AKAP8: variants seen among roughly 807,000 people sequenced by gnomAD.
AKAP8 encodes the protein A-kinase anchoring protein 8, also known as A-kinase anchor protein 8.
A neutral mutation model predicts 67.5 loss-of-function variants in AKAP8; 24 were observed. The ratio of observed to expected loss-of-function variants is 0.36; its 90% CI spans 0.26 to 0.50. The LOEUF (loss-of-function observed/expected upper bound fraction) is 0.50. AKAP8 is among the 20% of genes least tolerant of loss of function. The pLI, the probability that AKAP8 is intolerant of heterozygous loss-of-function variation, is 0.97. For missense variants in AKAP8, 971 were observed against 955.9 expected, an observed-to-expected ratio of 1.02 and a Z score of -0.21; for synonymous variants, 400 against 371.1, an observed-to-expected ratio of 1.08 and a Z score of -0.90.
intron 9 of AKAP8, among the ~76,000 whole-genome samples, chr19:15,364,910 C>T (rs1376079944): frequency 6.6e-6 from 1 of 152,252 alleles, no homozygotes; most frequent in Non-Finnish European, 1.5e-5. Flanking sequence ...CATGCCACCG[C>T]ACTCAGCCAG....
chr19:15,355,493 A>G (rs2048272400), intron 13 of AKAP8, 123 bp from the exon 14 acceptor site: 3 of 882,918 alleles, frequency 3.4e-6, no homozygotes, highest in African/African-American at 1.7e-5. Context: ...AAATTATGCC[A>G]CAGGAGTGAA....
chr19:15,370,376 T>C (rs575505641), intron 7 of AKAP8, among the ~76,000 whole-genome samples, 197 bp from the exon 8 acceptor site: 1 of 152,146 alleles, frequency 6.6e-6, no homozygotes, highest in East Asian at 1.9e-4. Context: ...TTATTACTCC[T>C]AGTTGCCTTC....
At chr19:15,368,840 C>T in intron 8 of AKAP8, 1 of 985,240 alleles carries the variant, frequency 1.0e-6, no homozygotes, top group Non-Finnish European at 1.2e-6. Flanking sequence ...CCTTGCTGGC[C>T]CGACCTCTAT....
At chr19:15,372,414 C>G in intron 5 of AKAP8, 67 bp from the exon 6 acceptor site, 2 of 1,588,092 alleles carry the variant, frequency 1.3e-6, no homozygotes, top group Middle Eastern at 1.7e-4. Context: ...CAGAAAAGAA[C>G]AAGGAGGTTG....
In AKAP8 at chr19:15,379,732, G is replaced by A. The variant is rs771353196; in HGVS notation, c.-1C>T. On this transcript the variant is annotated 5_prime_UTR_variant, in exon 1 of 14. Coordinates refer to ENST00000269701, the MANE Select transcript of AKAP8 (RefSeq NM_005858.4). Reference sequence around the variant, plus strand: ...ACAAACCTCCGTAGCCCTGGTCCATGTCTTCGACGCGGCCCACCAGCAGCC... The same window carrying A: ...ACAAACCTCCGTAGCCCTGGTCCATATCTTCGACGCGGCCCACCAGCAGCC... 14 of 1,611,754 alleles carry A rather than the reference G, an allele frequency of 8.7e-6. No individual in the cohort carries two copies. Among genetic ancestry groups the A allele is most frequent in the South Asian group, 7.7e-5 (7 of 90,666 alleles).
At chr19:15,374,750 C>A in intron 2 of AKAP8, 115 bp from the exon 3 acceptor site, 2 of 1,204,482 alleles carry the variant, frequency 1.7e-6, no homozygotes, top group Non-Finnish European at 2.4e-6. Flanking sequence ...CCCTCCGCAG[C>A]GCTCAGGGAG....
rs1180239610 is a variant in AKAP8, at chr19:15,358,876, A to G, written c.1623+91T>C. On this transcript the variant is annotated intron_variant, in intron 13 of 13. Coordinates refer to ENST00000269701, the MANE Select transcript of AKAP8 (RefSeq NM_005858.4). ...AACTGTCAAAAGACTCAGAAATGCT[A>G]AATGCTGCACTCTGGATTCAACTCC... 4 of 1,184,716 alleles carry G rather than the reference A, an allele frequency of 3.4e-6. No individual in the cohort carries two copies. In the East Asian group the frequency reaches 9.3e-5, roughly 28 times the overall value. The allele number at this position is 1,184,716 out of a possible 1,614,324, so 73.4% of individuals were successfully genotyped here. A position where few individuals can be genotyped will look rare whatever the true frequency, so the allele number is the denominator to read the frequency against.
intron 8 of AKAP8, 31 bp from the exon 9 acceptor site, chr19:15,368,353 T>C (rs2145076619): frequency 1.2e-6 from 2 of 1,612,754 alleles, no homozygotes; most frequent in Middle Eastern, 1.6e-4. Context: ...CGAGACGCTC[T>C]GAGTGGCCTG....
chr19:15,358,481 G>T (rs925472518), intron 13 of AKAP8, among the ~76,000 whole-genome samples: 3 of 151,680 alleles, frequency 2.0e-5, no homozygotes, highest in Non-Finnish European at 2.9e-5. Context: ...CAAACTATTG[G>T]CATTACAGGC....
chr19:15,372,907 T>C lies in AKAP8; in HGVS notation c.805A>G (p.Ser269Gly). 1.3e-6 allele frequency: 2 copies of C among 1,518,032 alleles called. No homozygotes were observed. Among genetic ancestry groups the C allele is most frequent in the Non-Finnish European group, 1.8e-6 (2 of 1,133,566 alleles). 94.0% of individuals were successfully genotyped at this position (1,518,032 alleles called of 1,614,324 possible). A position where few individuals can be genotyped will look rare whatever the true frequency, so the allele number is the denominator to read the frequency against. The change falls in exon 5 of 14, where the codon AGC becomes GGC. Residue 269 changes from serine to glycine, a missense_variant. Coordinates refer to ENST00000269701, the MANE Select transcript of AKAP8 (RefSeq NM_005858.4). ...MGMQGAGGYD[S>G]TMPYGCGRSQ... ...CGGCCACATCCGTAGGGCATGGTGC[T>C]GTCATAGCCGCCCGCCCCCTGCATG...
At chr19:15,377,191 T>C (rs929051448) in intron 1 of AKAP8, among the ~76,000 whole-genome samples, 177 bp from the exon 2 acceptor site, 2 of 152,052 alleles carry the variant, frequency 1.3e-5, no homozygotes, top group African/African-American at 2.4e-5. Flanking sequence ...GTCATCGCAT[T>C]CCACCTGGCT....
chr19:15,365,058 G>T (rs1015484155), intron 9 of AKAP8, among the ~76,000 whole-genome samples: 1 of 152,170 alleles, frequency 6.6e-6, no homozygotes, highest in Non-Finnish European at 1.5e-5. Context: ...TAATCTGCTG[G>T]CACTGCAGCC....
At chr19:15,378,878 T>G (rs375868910) in intron 1 of AKAP8, 1 of 152,412 alleles carries the variant, frequency 6.6e-6, no homozygotes, top group African/African-American at 2.4e-5. Flanking sequence ...TAAATCCTAG[T>G]GGGGAAAGGA....
chr19:15,363,327 GCCA>G (rs1487672422), intron 9 of AKAP8, among the ~76,000 whole-genome samples: 4 of 128,730 alleles, frequency 3.1e-5, no homozygotes, highest in Non-Finnish European at 6.5e-5. Context: ...CCTCTGCCCG[GCCA>G]GCCGCTCCGT....
chr19:15,354,901 C>G lies in AKAP8; in HGVS notation c.*14G>C. ...CATCATCCCAACGCCTTCCCTGGAA[C>G]AGGGAAATGAGCATCATTCTGTGGG... On this transcript the variant is annotated 3_prime_UTR_variant, in exon 14 of 14. Transcript: ENST00000269701. The G allele has an allele frequency of 6.2e-7, 1 of 1,611,364 alleles. No individual in the cohort carries two copies. The highest frequency in any genetic ancestry group is 8.5e-7 in the Non-Finnish European group (1 of 1,178,068).
intron 1 of AKAP8, among the ~76,000 whole-genome samples, chr19:15,377,969 G>A (rs1465345295): frequency 6.6e-6 from 1 of 152,160 alleles, no homozygotes; most frequent in African/African-American, 2.4e-5. Flanking sequence ...ACTGAGCTGC[G>A]CGCGGGTGGC....
chr19:15,369,870 C>T lies in AKAP8; in HGVS notation c.1072+276G>A, dbSNP rs766029680. On this transcript the variant is annotated intron_variant, in intron 8 of 13. Coordinates refer to ENST00000269701, the MANE Select transcript of AKAP8 (RefSeq NM_005858.4). This position sits in a 1 kb window ranked among gnomAD's most constrained non-coding sequence, Gnocchi z 4.6. ...CATGTTTCTCCTTCCCTACAAACTTCGACTGTGGTGGACACCCAAGGCTGC... is the reference window on the plus strand; with the variant it reads ...CATGTTTCTCCTTCCCTACAAACTTTGACTGTGGTGGACACCCAAGGCTGC... Among the ~76,000 whole-genome samples, 19 of 152,246 alleles carry T rather than the reference C, an allele frequency of 1.2e-4. No individual in the cohort carries two copies. The highest frequency in any genetic ancestry group is 1.9e-4 in the Non-Finnish European group (13 of 68,042).
chr19:15,361,063 C>G, intron 11 of AKAP8, 85 bp from the exon 12 acceptor site: 1 of 1,518,164 alleles, frequency 6.6e-7, no homozygotes. Flanking sequence ...CGTTTTCTCC[C>G]TGCAACTCTA....
Position 15,370,154 on chromosome 19 carries a change from C to T in AKAP8, c.1064G>A (p.Arg355Lys), listed in dbSNP as rs932022124. Reference protein sequence around the residue: ...KGEDELCDSGRQRGEKEDEDE... With the variant: ...KGEDELCDSGKQRGEKEDEDE... ...GACACGGTGATGCCTACCTCTTTGC[C>T]TCCCAGAGTCGCAGAGTTCATCCTC... The change falls in exon 8 of 14, where the codon AGG becomes AAG. Residue 355 changes from arginine to lysine, a missense_variant. Around this residue, in one of 3 missense-constraint regions of AKAP8, gnomAD observed 763 missense variants for 745.4 expected, o/e 1.02. Transcript: ENST00000269701. The T allele has an allele frequency of 5.0e-6, 8 of 1,614,040 alleles. No individual in the cohort carries two copies. The African/African-American group carries it at 6.7e-5, about 13-fold the overall frequency.
Sources: gnomAD v4.1 joint callset for allele counts (sites outside exome capture counted in the v4.1 genomes callset) on GRCh38, gnomAD v4.1.1 for gene constraint, gnomAD v4.1.1 regional missense constraint, Gnocchi (gnomAD v3.1) non-coding constraint, MANE v1.5 for transcripts, NCBI Gene and HGNC (gene_info 2026-07-23, HGNC 2026-07-21) for gene names.